OSBPL8: variants seen among roughly 807,000 people sequenced by gnomAD.
The protein encoded by OSBPL8 is oxysterol-binding protein-related protein 8.
A neutral mutation model predicts 125.5 loss-of-function variants in OSBPL8; 59 were observed. The ratio of observed to expected loss-of-function variants is 0.47; its 90% CI spans 0.38 to 0.58. The LOEUF (loss-of-function observed/expected upper bound fraction) is 0.58, where lower values mean the gene tolerates loss of function less well. Among genes scored for constraint, OSBPL8 ranks in the 20% least tolerant of loss-of-function variants. The probability of loss-of-function intolerance (pLI) is 0.00; values close to 1 mark genes in which losing one functional copy is unlikely to be tolerated. For synonymous variants in OSBPL8, 330 were observed against 338.9 expected (o/e 0.97, Z 0.29); for missense variants, 758 against 1,047.8 (o/e 0.72, Z 3.82).
chr12:76,513,168 T>C (rs1881176612), intron 1 of OSBPL8, among the ~76,000 whole-genome samples: 1 of 152,236 alleles, frequency 6.6e-6, no homozygotes, highest in African/African-American at 2.4e-5. Flanking sequence ...GCATGTTTGG[T>C]ATGATTTTGG....
chr12:76,410,893 T>G (rs546939184), intron 4 of OSBPL8, among the ~76,000 whole-genome samples: 1 of 152,286 alleles, frequency 6.6e-6, no homozygotes, highest in South Asian at 2.1e-4. Context: ...CTGCATAAAT[T>G]CAGCGCTTAT....
chr12:76,465,287 G>A (rs761653028), intron 2 of OSBPL8, among the ~76,000 whole-genome samples: 3 of 152,212 alleles, frequency 2.0e-5, no homozygotes, highest in Non-Finnish European at 2.9e-5. Flanking sequence ...CTGGCCAGGT[G>A]CAGTGGCTCA....
chr12:76,405,491 T>C (rs1182785089), intron 5 of OSBPL8, among the ~76,000 whole-genome samples: 1 of 152,108 alleles, frequency 6.6e-6, no homozygotes, highest in East Asian at 1.9e-4. Context: ...CTAACAATTC[T>C]ATATGATAAG....
At chr12:76,360,813 G>A (rs1952173541) in intron 21 of OSBPL8, among the ~76,000 whole-genome samples, 1 of 152,180 alleles carries the variant, frequency 6.6e-6, no homozygotes, top group South Asian at 2.1e-4. Flanking sequence ...CTGTAACTTG[G>A]CCCCTTTTAG....
chr12:76,480,569 C>A (rs190777545), intron 2 of OSBPL8, among the ~76,000 whole-genome samples: 1 of 152,142 alleles, frequency 6.6e-6, no homozygotes, highest in East Asian at 1.9e-4. Context: ...GTTATTTTAA[C>A]ATGAGAAAAT....
intron 1 of OSBPL8, among the ~76,000 whole-genome samples, chr12:76,545,280 A>G (rs1489081341): frequency 6.6e-6 from 1 of 152,166 alleles, no homozygotes; most frequent in Admixed American, 6.6e-5. Context: ...AGCTAAAACT[A>G]CCCTGATTCT....
chr12:76,435,998 T>C (rs1245771129), intron 4 of OSBPL8, among the ~76,000 whole-genome samples: 1 of 152,196 alleles, frequency 6.6e-6, no homozygotes. Context: ...CTCCCCACCA[T>C]ACATATTCAA....
chr12:76,375,063 T>C (rs1045078587), intron 17 of OSBPL8, among the ~76,000 whole-genome samples: 3 of 152,220 alleles, frequency 2.0e-5, no homozygotes, highest in African/African-American at 7.2e-5. Context: ...TCTTTTGTGT[T>C]AATTTGAATT....
At chr12:76,490,249 T>C (rs960046139) in intron 1 of OSBPL8, among the ~76,000 whole-genome samples, 2 of 152,080 alleles carry the variant, frequency 1.3e-5, no homozygotes, top group Non-Finnish European at 2.9e-5. Context: ...AAACGGCAGG[T>C]CCCTGGCAAA....
intron 1 of OSBPL8, among the ~76,000 whole-genome samples, chr12:76,502,408 T>C (rs1879996963): frequency 6.6e-6 from 1 of 152,216 alleles, no homozygotes; most frequent in Non-Finnish European, 1.5e-5. Flanking sequence ...GACTGCCATT[T>C]GGCCACTTGA....
At chr12:76,546,432 T>C (rs974939686) in intron 1 of OSBPL8, among the ~76,000 whole-genome samples, 1 of 152,134 alleles carries the variant, frequency 6.6e-6, no homozygotes, top group Non-Finnish European at 1.5e-5. Flanking sequence ...ATAAGAGCCA[T>C]CATTTCCCAA....
chr12:76,392,633 T>G lies in OSBPL8; in HGVS notation c.877A>C (p.Thr293Pro). 6.2e-7 allele frequency: 1 copy of G among 1,613,966 alleles called. No homozygotes were observed. The highest frequency in any genetic ancestry group is 8.5e-7 in the Non-Finnish European group (1 of 1,179,860). The change falls in exon 10 of 24, where the codon ACT becomes CCT. Residue 293 changes from threonine (T) to proline (P), a missense_variant. Physicochemically the swap from Thr to Pro is conservative, Grantham distance 38. Around this residue, in one of 3 missense-constraint regions of OSBPL8, gnomAD observed 572 missense variants for 762.0 expected, o/e 0.75. Transcript: ENST00000261183. ...TTAGCACGTAGTAAGCCATAGAAAG[T>G]CACATGTGTGCTATCTGATGAAACG... is the stretch of plus-strand genomic sequence containing the variant. ...LSVSSDSTHV[T>P]FYGLLRANNL...
At chr12:76,408,924 C>T (rs888359660) in intron 5 of OSBPL8, among the ~76,000 whole-genome samples, 2 of 151,840 alleles carry the variant, frequency 1.3e-5, no homozygotes, top group African/African-American at 4.8e-5. Context: ...GGTGTTTAGG[C>T]TTTTGAGTAC....
chr12:76,416,796 T>TA (rs369095179), intron 4 of OSBPL8, among the ~76,000 whole-genome samples: 221 of 152,224 alleles, frequency 1.5e-3, no homozygotes, highest in African/African-American at 5.2e-3. Flanking sequence ...ATTGCTGACT[T>TA]ACCTAGATTT....
At chr12:76,508,784 C>T (rs1321594246) in intron 1 of OSBPL8, among the ~76,000 whole-genome samples, 1 of 152,184 alleles carries the variant, frequency 6.6e-6, no homozygotes, top group Non-Finnish European at 1.5e-5. Flanking sequence ...ACGGCAACAT[C>T]AGCAAGTTAC....
intron 4 of OSBPL8, among the ~76,000 whole-genome samples, chr12:76,425,643 C>T (rs2136531290): frequency 6.6e-6 from 1 of 152,312 alleles, no homozygotes; most frequent in South Asian, 2.1e-4. Context: ...TTTGTTGACA[C>T]TGGCTTGTCT....
rs1283864544 is a variant in OSBPL8, at chr12:76,354,446, T to C, written c.*1443A>G. On this transcript the variant is annotated 3_prime_UTR_variant, in exon 24 of 24. Coordinates refer to ENST00000261183, the MANE Select transcript of OSBPL8 (RefSeq NM_020841.5). ...TACCAATCTTGTATTTATCATGGCATAAACGATTATAATTTTACTATTTCA... is the reference window on the plus strand; with the variant it reads ...TACCAATCTTGTATTTATCATGGCACAAACGATTATAATTTTACTATTTCA... 6.6e-6 allele frequency: 1 copy of C among 151,924 alleles called. No homozygotes were observed. Among genetic ancestry groups the C allele is most frequent in the Non-Finnish European group, 1.5e-5 (1 of 67,844 alleles). 9.4% of individuals were successfully genotyped at this position (151,924 alleles called of 1,614,324 possible).
At chr12:76,415,041 T>C (rs959677824) in intron 4 of OSBPL8, among the ~76,000 whole-genome samples, 1 of 152,144 alleles carries the variant, frequency 6.6e-6, no homozygotes, top group African/African-American at 2.4e-5. Context: ...TCATTACTGA[T>C]TGGAAAAATT....
At chr12:76,510,916 A>G (rs975789469) in intron 1 of OSBPL8, among the ~76,000 whole-genome samples, 4 of 151,892 alleles carry the variant, frequency 2.6e-5, no homozygotes, top group African/African-American at 9.7e-5. Flanking sequence ...ACCTCTTGCC[A>G]TATAAGAAGC....
Sources: allele counts gnomAD v4.1 joint callset (sites outside exome capture counted in the v4.1 genomes callset), GRCh38; gene constraint gnomAD v4.1.1; regional missense constraint gnomAD v4.1.1; transcripts MANE v1.5; gene names NCBI Gene and HGNC (gene_info 2026-07-23, HGNC 2026-07-21).